The following RBFOX1 variants were observed in gnomAD, a reference collection of about 807,000 sequenced individuals.
The protein encoded by RBFOX1 is RNA binding fox-1 homolog 1, also known as RNA binding protein fox-1 homolog 1.
RBFOX1 carries 8 observed loss-of-function variants against 57.7 expected under a neutral mutation model. The observed-to-expected ratio is 0.14, with a 90% confidence interval of 0.08 to 0.25. The LOEUF is 0.25. Ranked by LOEUF, RBFOX1 falls within the 10% of genes least tolerant of loss-of-function variation. The pLI is 1.00. For synonymous variants in RBFOX1, 326 were observed against 222.4 expected (o/e 1.47, Z -4.15); for missense variants, 611 against 548.5 (o/e 1.11, Z -1.14).
intron 4 of RBFOX1, among the ~76,000 whole-genome samples, chr16:5,945,669 C>G (rs1298924869): frequency 6.6e-6 from 1 of 152,216 alleles, no homozygotes; most frequent in Non-Finnish European, 1.5e-5. Flanking sequence ...CTGGCTTTAG[C>G]ACCCCTGCCC....
At position 7,646,562 on chromosome 16, in the gene RBFOX1, C is replaced by G. The variant is rs777917404; in HGVS notation, c.758-7253C>G. The stretch of plus-strand genomic sequence containing the variant: ...GAGGAGCAGGACAAAGAGAGCCCCC[C>G]TCATCCATTCGGATGCCCACCTTTT... On this transcript the variant is annotated intron_variant, in intron 11 of 15. Coordinates refer to ENST00000550418, the MANE Select transcript of RBFOX1 (RefSeq NM_018723.4). Among the ~76,000 whole-genome samples the G allele has an allele frequency of 5.3e-5, 8 of 152,232 alleles. 1 individual carries two copies. The highest frequency in any genetic ancestry group is 1.3e-4 in the Admixed American group (2 of 15,286).
chr16:5,540,643 G>A (rs569088313), intron 2 of RBFOX1, among the ~76,000 whole-genome samples: 1 of 152,114 alleles, frequency 6.6e-6, no homozygotes, highest in Non-Finnish European at 1.5e-5. Flanking sequence ...TAAAAATCCA[G>A]ATTTCTGGGT....
At chr16:5,502,842 A>G (rs1415568915) in intron 2 of RBFOX1, among the ~76,000 whole-genome samples, 1 of 152,166 alleles carries the variant, frequency 6.6e-6, no homozygotes, top group Non-Finnish European at 1.5e-5. Flanking sequence ...CCTGAGAAAT[A>G]GCCAGGGCAG....
intron 1 of RBFOX1, among the ~76,000 whole-genome samples, chr16:6,079,483 T>A (rs1396920816): frequency 6.6e-6 from 1 of 152,154 alleles, no homozygotes; most frequent in Non-Finnish European, 1.5e-5. Flanking sequence ...GGCTATTTAT[T>A]TTTATTTGTT....
chr16:5,564,151 T>A (rs2045981911), intron 2 of RBFOX1, among the ~76,000 whole-genome samples: 1 of 152,080 alleles, frequency 6.6e-6, no homozygotes, highest in African/African-American at 2.4e-5. Flanking sequence ...TAGCTGAGAT[T>A]ATGGTCCGCA....
chr16:7,033,986 TAATA>T (rs2043523809), intron 3 of RBFOX1, among the ~76,000 whole-genome samples: 1 of 152,124 alleles, frequency 6.6e-6, no homozygotes, highest in African/African-American at 2.4e-5. Context: ...TAAAATAAAA[TAATA>T]AAGGCATTTA....
intron 2 of RBFOX1, among the ~76,000 whole-genome samples, chr16:6,452,468 A>G (rs1197266957): frequency 6.6e-6 from 1 of 151,530 alleles, no homozygotes; most frequent in Admixed American, 6.6e-5. Flanking sequence ...CCATGGCTCC[A>G]TCCTTCCATG....
intron 4 of RBFOX1, among the ~76,000 whole-genome samples, chr16:7,183,231 T>C (rs2083076190): frequency 6.6e-6 from 1 of 152,082 alleles, no homozygotes; most frequent in Admixed American, 6.5e-5. Flanking sequence ...GTGTACTTGA[T>C]TTGGGGAGAA....
chr16:6,724,419 G>C (rs1172471326), intron 3 of RBFOX1, among the ~76,000 whole-genome samples: 1 of 151,906 alleles, frequency 6.6e-6, no homozygotes, highest in African/African-American at 2.4e-5. Flanking sequence ...ATGTTGCCAG[G>C]CTGGTCTCGA....
intron 5 of RBFOX1, among the ~76,000 whole-genome samples, chr16:7,522,138 T>A (rs1025190614): frequency 6.6e-6 from 1 of 152,202 alleles, no homozygotes; most frequent in African/African-American, 2.4e-5. Context: ...GACCATTTCA[T>A]CAGAGTTCAT....
At chr16:6,486,904 C>A (rs1490552340) in intron 2 of RBFOX1, among the ~76,000 whole-genome samples, 1 of 152,002 alleles carries the variant, frequency 6.6e-6, no homozygotes, top group African/African-American at 2.4e-5. Flanking sequence ...CATAGATAAT[C>A]AGAATAGCAG....
At chr16:6,563,826 C>CAA (rs138609592) in intron 2 of RBFOX1, among the ~76,000 whole-genome samples, 1 of 140,188 alleles carries the variant, frequency 7.1e-6, no homozygotes, top group African/African-American at 2.6e-5. Context: ...ATCCTGTCTC[C>CAA]AAAAAAAAAA....
intron 2 of RBFOX1, among the ~76,000 whole-genome samples, chr16:6,357,767 C>G (rs544295301): frequency 6.6e-6 from 1 of 151,702 alleles, no homozygotes; most frequent in South Asian, 2.1e-4. Flanking sequence ...TGGCGAACAT[C>G]GTGAAACACC....
intron 3 of RBFOX1, among the ~76,000 whole-genome samples, chr16:5,685,112 C>T (rs1052606478): frequency 1.1e-4 from 17 of 152,120 alleles, no homozygotes; most frequent in African/African-American, 4.1e-4. Flanking sequence ...AGAAAAGAAG[C>T]AAGGGTGTTA....
chr16:6,437,321 T>C (rs982563062), intron 2 of RBFOX1, among the ~76,000 whole-genome samples: 2 of 152,238 alleles, frequency 1.3e-5, no homozygotes, highest in Non-Finnish European at 2.9e-5. Flanking sequence ...TTTTAAAATG[T>C]GTCTGTGCAG....
chr16:6,950,035 C>T (rs186663291), intron 3 of RBFOX1, among the ~76,000 whole-genome samples: 37 of 151,712 alleles, frequency 2.4e-4, no homozygotes, highest in Admixed American at 2.4e-3. Flanking sequence ...CAACGTCTGC[C>T]TCCTGGGTTC....
At position 7,678,479 on chromosome 16, in the gene RBFOX1, A is replaced by G. The variant is rs1401052553; in HGVS notation, c.995+1641A>G. On this transcript the variant is annotated intron_variant, in intron 14 of 15. Coordinates refer to ENST00000550418, the MANE Select transcript of RBFOX1 (RefSeq NM_018723.4). ...CAACCCTTAATTATTTTTTATGAAA[A>G]TATCTCTAGATGCTAAATTCTCAAA... Among the ~76,000 whole-genome samples the G allele has an allele frequency of 3.9e-5, 6 of 152,198 alleles. No individual in the cohort carries two copies. In the East Asian group the frequency reaches 1.2e-3, roughly 29 times the overall value.
chr16:6,125,790 G>A (rs754366235), intron 1 of RBFOX1, among the ~76,000 whole-genome samples: 5 of 152,164 alleles, frequency 3.3e-5, no homozygotes, highest in Admixed American at 6.5e-5. Context: ...TCACAGATCA[G>A]TGGCAAAGGG....
intron 4 of RBFOX1, among the ~76,000 whole-genome samples, chr16:7,081,928 G>C (rs1251167675): frequency 1.3e-5 from 2 of 152,086 alleles, no homozygotes; most frequent in African/African-American, 2.4e-5. Context: ...GAAATTGCTG[G>C]AGTTTCTCCT....
Sources: gnomAD v4.1 joint callset for allele counts (sites outside exome capture counted in the v4.1 genomes callset) on GRCh38, gnomAD v4.1.1 for gene constraint, MANE v1.5 for transcripts, NCBI Gene and HGNC (gene_info 2026-07-23, HGNC 2026-07-21) for gene names.